CD6: variants seen among roughly 807,000 people sequenced by gnomAD.
CD6 encodes CD6 molecule.
Under a neutral mutation model 75.3 loss-of-function variants are expected in CD6, and 53 were observed. That is an observed-to-expected ratio of 0.70 (90% CI 0.56 to 0.88). CD6 has a LOEUF of 0.88. CD6 is among the 40% of genes least tolerant of loss of function. The pLI, the probability that CD6 is intolerant of heterozygous loss-of-function variation, is 0.00. For missense variants in CD6, 770 were observed against 897.1 expected (o/e 0.86, Z 1.81); for synonymous variants, 359 against 381.5 (o/e 0.94, Z 0.69).
chr11:60,982,962 G>C (rs1051882952), intron 1 of CD6, among the ~76,000 whole-genome samples: 2 of 151,816 alleles, frequency 1.3e-5, no homozygotes, highest in African/African-American at 4.8e-5. Flanking sequence ...CTATGGCCCA[G>C]TGTGGCCTGA....
intron 1 of CD6, among the ~76,000 whole-genome samples, chr11:60,999,171 CA>C (rs1197745395): frequency 5.9e-5 from 9 of 151,750 alleles, no homozygotes; most frequent in African/African-American, 2.2e-4. Context: ...AAAGAAAGAG[CA>C]AGAAGGAAGG....
intron 3 of CD6, chr11:61,008,238 C>G: frequency 2.1e-6 from 1 of 471,080 alleles, no homozygotes. Context: ...TCTCTCCTCC[C>G]CTTTCGCCAT....
At chr11:61,000,188 C>A (rs531966952) in intron 1 of CD6, among the ~76,000 whole-genome samples, 1 of 152,086 alleles carries the variant, frequency 6.6e-6, no homozygotes, top group South Asian at 2.1e-4. Flanking sequence ...AGTCTCCAGG[C>A]AGTATGGTAC....
At chr11:60,985,060 C>G (rs953050573) in intron 1 of CD6, 1 of 150,820 alleles carries the variant, frequency 6.6e-6, no homozygotes, top group African/African-American at 2.4e-5. Context: ...TTTTTTTAAA[C>G]AAAGATATAG....
intron 12 of CD6, chr11:61,018,653 CAAAACTA>C (rs1370757704): frequency 1.2e-4 from 60 of 485,770 alleles, no homozygotes; most frequent in African/African-American, 1.1e-3. Flanking sequence ...CCAGTCTCTA[CAAAACTA>C]AAAACTAAAT....
Position 61,017,507 on chromosome 11 carries a change from G to A in CD6, c.1539G>A (p.Glu513=), listed in dbSNP as rs747563888. 6.4e-7 allele frequency: 1 copy of A among 1,550,536 alleles called. No individual in the cohort carries two copies. Among genetic ancestry groups the A allele is most frequent in the South Asian group, 1.2e-5 (1 of 84,072 alleles). The change falls in exon 10 of 13, where the codon GAG becomes GAA. Residue 513 remains glutamate (E), a synonymous_variant. Coordinates refer to ENST00000313421, the MANE Select transcript of CD6 (RefSeq NM_006725.5). ...CCCAGCGGCATCGGGTCACAGATGA[G>A]GAGGTCCAGCAAAGCAGGTTCCAGA... is the stretch of plus-strand genomic sequence containing the variant. ...YNSQRHRVTD[E]EVQQSRFQMP... is the part of the protein sequence containing the mutation.
Position 61,015,752 on chromosome 11 carries a change from A to C in CD6, c.1427A>C (p.Glu476Ala), listed in dbSNP as rs1859369935. 6 of 1,614,134 alleles carry C rather than the reference A, an allele frequency of 3.7e-6. No individual in the cohort carries two copies. The highest frequency in any genetic ancestry group is 5.1e-6 in the Non-Finnish European group (6 of 1,180,002). Residue 476 changes from glutamate to alanine, a missense_variant, in exon 9 of 13, where the codon GAG becomes GCG. Transcript: ENST00000313421. ...ATCCAGGTCCAGGCCCCGCCCCCTGAGGACTCAGACTCTGGCTCGGACTCA... is the reference window on the plus strand; with the variant it reads ...ATCCAGGTCCAGGCCCCGCCCCCTGCGGACTCAGACTCTGGCTCGGACTCA... ...LPIQVQAPPP[E>A]DSDSGSDSDY...
At chr11:61,000,432 A>G (rs959568874) in intron 1 of CD6, among the ~76,000 whole-genome samples, 1 of 152,076 alleles carries the variant, frequency 6.6e-6, no homozygotes, top group Admixed American at 6.6e-5. Context: ...TCTGTACAGC[A>G]TCTCTTCATC....
chr11:61,007,531 G>T lies in CD6; in HGVS notation c.119-29G>T. The T allele has an allele frequency of 7.0e-7, 1 of 1,431,430 alleles. No individual in the cohort carries two copies. The highest frequency in any genetic ancestry group is 9.2e-7 in the Non-Finnish European group (1 of 1,089,706). 88.7% of individuals were successfully genotyped at this position (1,431,430 alleles called of 1,614,324 possible). A position where few individuals can be genotyped will look rare whatever the true frequency, so the allele number is the denominator to read the frequency against. On this transcript the variant is annotated intron_variant, in intron 2 of 12. Coordinates refer to ENST00000313421, the MANE Select transcript of CD6 (RefSeq NM_006725.5). The surrounding 1 kb of genome is among the most constrained non-coding windows in gnomAD (Gnocchi z 4.2). ...GCAACCCTCTGCCCAGGCCCCACCG[G>T]TCTCAGCTCTCTGGTCTGACACTTC... is the stretch of plus-strand genomic sequence containing the variant.
chr11:61,008,885 A>G (rs778532777), intron 4 of CD6, 40 bp downstream of exon 4: 19 of 1,474,808 alleles, frequency 1.3e-5, no homozygotes, highest in Admixed American at 2.4e-5. Context: ...CACTACCAAC[A>G]CTCACCATAG....
chr11:61,006,974 T>G (rs554137416), intron 2 of CD6, among the ~76,000 whole-genome samples: 13 of 152,240 alleles, frequency 8.5e-5, no homozygotes, highest in Admixed American at 2.0e-4. Context: ...ACCTACTGTA[T>G]GCAAAGATGC....
chr11:60,997,015 T>G lies in CD6; in HGVS notation c.50-9559T>G, dbSNP rs151074541. On this transcript the variant is annotated intron_variant, in intron 1 of 12. Transcript: ENST00000313421. ...CCAAGCCTTTGAACTCAAGGCCTTG[T>G]AAGGTACATAGGTACCTTCCCCCCA... 3.3e-3 allele frequency among the ~76,000 whole-genome samples: 496 copies of G among 152,334 alleles called. 2 individuals carry two copies. Among genetic ancestry groups the G allele is most frequent in the African/African-American group, 0.011 (476 of 41,580 alleles).
At chr11:61,008,460 C>A in intron 3 of CD6, 74 bp from the exon 4 acceptor site, 1 of 1,374,652 alleles carries the variant, frequency 7.3e-7, no homozygotes, top group Non-Finnish European at 9.8e-7. Context: ...AACTCTCCGG[C>A]CAGTCCAACC....
intron 1 of CD6, among the ~76,000 whole-genome samples, chr11:60,997,844 C>T (rs559594448): frequency 6.6e-6 from 1 of 152,316 alleles, no homozygotes; most frequent in South Asian, 2.1e-4. Context: ...TTGAGTTTCT[C>T]ATTGGCACGA....
intron 3 of CD6, 123 bp downstream of exon 3, chr11:61,008,033 C>A: frequency 1.8e-6 from 1 of 564,198 alleles, no homozygotes; most frequent in Non-Finnish European, 2.7e-6. Flanking sequence ...CACCGCCTAC[C>A]AGTGCAAACG....
rs914488890 is a variant in CD6 at position 61,019,902 on chromosome 11, C to T, written c.*584C>T. On this transcript the variant is annotated 3_prime_UTR_variant, in exon 13 of 13. Transcript: ENST00000313421. ...ACTGCACTTGGGCAGGGAATATAGC[C>T]TTCCTGGGCACAACTAGCTGACAAT... 1.3e-5 allele frequency: 5 copies of T among 374,224 alleles called. No individual in the cohort carries two copies. The highest frequency in any genetic ancestry group is 1.0e-4 in the African/African-American group (5 of 48,170). The allele number at this position is 374,224 out of a possible 1,614,324, so 23.2% of individuals were successfully genotyped here. A position where few individuals can be genotyped will look rare whatever the true frequency, so the allele number is the denominator to read the frequency against.
intron 1 of CD6, among the ~76,000 whole-genome samples, chr11:60,986,604 C>T (rs748201424): frequency 6.6e-6 from 1 of 152,136 alleles, no homozygotes; most frequent in Non-Finnish European, 1.5e-5. Flanking sequence ...AATTCAGTTC[C>T]GAGAAACACT....
At chr11:61,018,643 C>A in intron 12 of CD6, 1 of 509,738 alleles carries the variant, frequency 2.0e-6, no homozygotes, top group Non-Finnish European at 3.5e-6. Context: ...CATAGCAAGA[C>A]CAGTCTCTAC....
At chr11:60,989,071 C>T (rs1041346102) in intron 1 of CD6, among the ~76,000 whole-genome samples, 7 of 152,210 alleles carry the variant, frequency 4.6e-5, no homozygotes, top group African/African-American at 1.7e-4. Context: ...TCGAGCTGTG[C>T]CCTCTCCCTA....
Sources: gnomAD v4.1 joint callset for allele counts (sites outside exome capture counted in the v4.1 genomes callset) on GRCh38, gnomAD v4.1.1 for gene constraint, Gnocchi (gnomAD v3.1) non-coding constraint, MANE v1.5 for transcripts, NCBI Gene and HGNC (gene_info 2026-07-23, HGNC 2026-07-21) for gene names.